INPP5A: variants seen among roughly 807,000 people sequenced by gnomAD.
INPP5A encodes the protein inositol polyphosphate-5-phosphatase A, also known as 43 kDa inositol polyphosphate 5-phophatase.
Under a neutral mutation model 65.2 loss-of-function variants are expected in INPP5A, and 14 were observed. The ratio of observed to expected loss-of-function variants is 0.21; its 90% CI spans 0.14 to 0.34. The LOEUF (loss-of-function observed/expected upper bound fraction) is 0.34, where lower values mean the gene tolerates loss of function less well. Among genes scored for constraint, INPP5A ranks in the 10% least tolerant of loss-of-function variants. The probability of loss-of-function intolerance (pLI) is 1.00; values close to 1 mark genes in which losing one functional copy is unlikely to be tolerated. For missense variants in INPP5A, 431 were observed against 545.6 expected, an observed-to-expected ratio of 0.79 and a Z score of 2.09; for synonymous variants, 207 against 208.3, an observed-to-expected ratio of 0.99 and a Z score of 0.05.
chr10:132,732,410 C>T (rs977308073), intron 9 of INPP5A, among the ~76,000 whole-genome samples: 1 of 152,174 alleles, frequency 6.6e-6, no homozygotes, highest in African/African-American at 2.4e-5. Flanking sequence ...GTAAGTAAAG[C>T]GAGCCTAGTG....
chr10:132,667,393 C>T (rs947205139), intron 4 of INPP5A, among the ~76,000 whole-genome samples: 2 of 152,300 alleles, frequency 1.3e-5, no homozygotes, highest in East Asian at 1.9e-4. Context: ...TGCAGAGGCT[C>T]CTCCCAGTTT....
At chr10:132,760,386 C>T (rs563954926) in intron 11 of INPP5A, among the ~76,000 whole-genome samples, 1 of 152,256 alleles carries the variant, frequency 6.6e-6, no homozygotes, top group South Asian at 2.1e-4. Context: ...TTCTGGGCTC[C>T]AGAGCTCCCT....
chr10:132,778,010 T>C (rs1847093983), intron 13 of INPP5A: 4 of 1,223,646 alleles, frequency 3.3e-6, no homozygotes, highest in Admixed American at 3.0e-5. Flanking sequence ...TCCTGGGCCA[T>C]GGGCAGCCAG....
chr10:132,576,992 C>T (rs1349404803), intron 1 of INPP5A, among the ~76,000 whole-genome samples: 1 of 152,226 alleles, frequency 6.6e-6, no homozygotes, highest in African/African-American at 2.4e-5. Context: ...TTTGAACGCA[C>T]CTGTGGTGCC....
In INPP5A at chr10:132,622,341, C is replaced by T. The variant is rs553631097; in HGVS notation, c.117+14385C>T. On this transcript the variant is annotated intron_variant, in intron 2 of 15. Coordinates refer to ENST00000368594, the MANE Select transcript of INPP5A (RefSeq NM_005539.5). Reference sequence around the variant, plus strand: ...GTTCGTGGATTGGAAGACTCAGTTACGCTGACGTGTTAGAACTTGAGAAAT... The same window carrying T: ...GTTCGTGGATTGGAAGACTCAGTTATGCTGACGTGTTAGAACTTGAGAAAT... Among the ~76,000 whole-genome samples the T allele has an allele frequency of 2.2e-4, 33 of 149,204 alleles. No homozygotes were observed. In the East Asian group the frequency reaches 5.2e-3, roughly 23 times the overall value.
chr10:132,710,286 A>T, intron 7 of INPP5A, 51 bp from the exon 8 acceptor site: 2 of 1,594,718 alleles, frequency 1.3e-6, no homozygotes, highest in East Asian at 2.3e-5. Flanking sequence ...ACGAAGTGTG[A>T]CCCGGAGGCT....
At chr10:132,556,490 C>G (rs2071128505) in intron 1 of INPP5A, among the ~76,000 whole-genome samples, 1 of 152,216 alleles carries the variant, frequency 6.6e-6, no homozygotes, top group Admixed American at 6.5e-5. Context: ...ACACCACAGG[C>G]ACACACATGC....
chr10:132,650,941 C>T lies in INPP5A; in HGVS notation c.306+436C>T, dbSNP rs910063557. Among the ~76,000 whole-genome samples the T allele has an allele frequency of 3.3e-5, 5 of 152,276 alleles. No homozygotes were observed. Among genetic ancestry groups the T allele is most frequent in the Middle Eastern group, 6.8e-3 (2 of 294 alleles). ...GATCCCTGAGTGTGCAGGGCTGGGG[C>T]GGTGTCCTGCCTCGGAGAGAGGCTG... On this transcript the variant is annotated intron_variant, in intron 4 of 15. Coordinates refer to ENST00000368594, the MANE Select transcript of INPP5A (RefSeq NM_005539.5). This position sits in a 1 kb window ranked among gnomAD's most constrained non-coding sequence, Gnocchi z 5.5.
In INPP5A at chr10:132,749,603, C is replaced by T. The variant is rs147310419; in HGVS notation, c.819C>T (p.Asn273=). 93 of 1,612,924 alleles carry T rather than the reference C, an allele frequency of 5.8e-5. No homozygotes were observed. The African/African-American group carries it at 8.5e-4, about 15-fold the overall frequency. Residue 273 remains asparagine, a synonymous_variant, in exon 10 of 16, where the codon AAC becomes AAT. Coordinates refer to ENST00000368594, the MANE Select transcript of INPP5A (RefSeq NM_005539.5). ...VVKLIFRESD[N]DRKVMLQLEK... ...AGCTCATATTTCGTGAGTCGGACAA[C>T]GACCGGAAGGTGAGCGGGGCCTGTG... is the stretch of plus-strand genomic sequence containing the variant.
At chr10:132,539,880 G>A (rs982523962) in intron 1 of INPP5A, among the ~76,000 whole-genome samples, 1 of 152,224 alleles carries the variant, frequency 6.6e-6, no homozygotes, top group African/African-American at 2.4e-5. Flanking sequence ...AACAAAAGGC[G>A]CTGTTTTTCT....
Position 132,549,698 on chromosome 10 carries a change from C to T in INPP5A, c.75+11527C>T, listed in dbSNP as rs1057357445. 2.6e-5 allele frequency among the ~76,000 whole-genome samples: 4 copies of T among 152,192 alleles called. No individual in the cohort carries two copies. Among genetic ancestry groups the T allele is most frequent in the Non-Finnish European group, 4.4e-5 (3 of 68,028 alleles). ...AGCTCTGCAGCTGCAGGGCGGGAGC[C>T]GGGGCTTCCGTGAGGCTCTGTGACA... is the stretch of plus-strand genomic sequence containing the variant. On this transcript the variant is annotated intron_variant, in intron 1 of 15. Coordinates refer to ENST00000368594, the MANE Select transcript of INPP5A (RefSeq NM_005539.5). This position sits in a 1 kb window ranked among gnomAD's most constrained non-coding sequence, Gnocchi z 4.9.
At chr10:132,696,151 G>A (rs1845340555) in intron 5 of INPP5A, among the ~76,000 whole-genome samples, 1 of 152,152 alleles carries the variant, frequency 6.6e-6, no homozygotes, top group Non-Finnish European at 1.5e-5. Context: ...TCCAAACTAG[G>A]AGAAAGACAC....
At chr10:132,633,965 T>C (rs1351043459) in intron 2 of INPP5A, among the ~76,000 whole-genome samples, 1 of 152,206 alleles carries the variant, frequency 6.6e-6, no homozygotes, top group African/African-American at 2.4e-5. Context: ...TTCCCACCCC[T>C]GAGCATTTGA....
At chr10:132,722,349 T>A (rs1383358504) in intron 8 of INPP5A, among the ~76,000 whole-genome samples, 1 of 152,144 alleles carries the variant, frequency 6.6e-6, no homozygotes, top group Non-Finnish European at 1.5e-5. Context: ...GTTGGATGAA[T>A]GTCTCACGGC....
At chr10:132,648,664 A>AT (rs1215646634) in intron 3 of INPP5A, among the ~76,000 whole-genome samples, 1 of 151,948 alleles carries the variant, frequency 6.6e-6, no homozygotes, top group Non-Finnish European at 1.5e-5. Flanking sequence ...TAGCTTGTCA[A>AT]TTTTTTTTCC....
intron 1 of INPP5A, among the ~76,000 whole-genome samples, chr10:132,554,538 G>T (rs2071099502): frequency 6.6e-6 from 1 of 152,170 alleles, no homozygotes; most frequent in Non-Finnish European, 1.5e-5. Context: ...TGCGGTTGAT[G>T]TGGGTGGCAT....
At chr10:132,751,524 T>C (rs1846476690) in intron 11 of INPP5A, among the ~76,000 whole-genome samples, 1 of 152,228 alleles carries the variant, frequency 6.6e-6, no homozygotes, top group African/African-American at 2.4e-5. Context: ...TCCAGGATGC[T>C]TCCAGCTACA....
chr10:132,583,420 C>A (rs1222588145), intron 1 of INPP5A, among the ~76,000 whole-genome samples: 2 of 152,166 alleles, frequency 1.3e-5, no homozygotes, highest in African/African-American at 4.8e-5. Flanking sequence ...TTGGGCTGGT[C>A]AGGACCTTTG....
intron 9 of INPP5A, among the ~76,000 whole-genome samples, chr10:132,731,732 A>G (rs1049672315): frequency 7.9e-6 from 1 of 126,576 alleles, no homozygotes; most frequent in Non-Finnish European, 1.9e-5. Context: ...TCCCCCAGTG[A>G]GGGTTTCCTC....
Sources: allele counts gnomAD v4.1 joint callset (sites outside exome capture counted in the v4.1 genomes callset), GRCh38; gene constraint gnomAD v4.1.1; non-coding constraint Gnocchi (gnomAD v3.1); transcripts MANE v1.5; gene names NCBI Gene and HGNC (gene_info 2026-07-23, HGNC 2026-07-21).